The following NDST3 variants were observed in gnomAD, a reference collection of about 807,000 sequenced individuals.
The protein encoded by NDST3 is bifunctional heparan sulfate N-deacetylase/N-sulfotransferase 3.
A neutral mutation model predicts 96.1 loss-of-function variants in NDST3; 58 were observed. That is an observed-to-expected ratio of 0.60 (90% CI 0.49 to 0.75). The LOEUF (loss-of-function observed/expected upper bound fraction) is 0.75, where lower values mean the gene tolerates loss of function less well. Ranked by LOEUF, NDST3 falls within the 30% of genes least tolerant of loss-of-function variation. The probability of loss-of-function intolerance (pLI) is 0.00; values close to 1 mark genes in which losing one functional copy is unlikely to be tolerated. For missense variants in NDST3, 788 were observed against 1,034.2 expected, an observed-to-expected ratio of 0.76 and a Z score of 3.27; for synonymous variants, 333 against 359.7, an observed-to-expected ratio of 0.93 and a Z score of 0.84.
chr4:118,123,304 T>A (rs1176835426), intron 4 of NDST3, among the ~76,000 whole-genome samples: 24 of 152,156 alleles, frequency 1.6e-4, no homozygotes. Context: ...CTATGTAGAC[T>A]TCAAGATTCC....
intron 6 of NDST3, among the ~76,000 whole-genome samples, chr4:118,161,779 C>G (rs1023838777): frequency 3.3e-5 from 5 of 152,144 alleles, no homozygotes; most frequent in Admixed American, 1.3e-4. Context: ...ATCTGTCAAC[C>G]CTTTCTTTGA....
chr4:118,128,416 A>C (rs542263252), intron 4 of NDST3, among the ~76,000 whole-genome samples: 2 of 152,052 alleles, frequency 1.3e-5, no homozygotes, highest in African/African-American at 2.4e-5. Context: ...ATTTTATCAA[A>C]TGCTTTTTCA....
chr4:118,136,273 C>T (rs890573248), intron 4 of NDST3, among the ~76,000 whole-genome samples: 3 of 152,132 alleles, frequency 2.0e-5, no homozygotes, highest in Non-Finnish European at 2.9e-5. Context: ...TAAAAGAATA[C>T]TATTTAACAA....
intron 6 of NDST3, among the ~76,000 whole-genome samples, chr4:118,213,251 C>G (rs1377287430): frequency 6.6e-6 from 1 of 152,176 alleles, no homozygotes; most frequent in East Asian, 1.9e-4. Flanking sequence ...GACTGCTCTT[C>G]CTTTATGATT....
At chr4:118,133,997 G>A (rs1312123381) in intron 4 of NDST3, among the ~76,000 whole-genome samples, 1 of 152,146 alleles carries the variant, frequency 6.6e-6, no homozygotes. Context: ...TACAAACTGT[G>A]CTGTGTACTA....
At chr4:118,104,878 T>A (rs12508017) in intron 2 of NDST3, 140 bp from the exon 3 acceptor site, 486,761 of 590,132 alleles carry the variant, frequency 0.82, 205,389 homozygotes, top group South Asian at 0.92. Context: ...TTTAAAGTGA[T>A]AAAGAAACTA....
At chr4:118,186,992 C>G (rs1212583472) in intron 6 of NDST3, among the ~76,000 whole-genome samples, 1 of 152,092 alleles carries the variant, frequency 6.6e-6, no homozygotes, top group Non-Finnish European at 1.5e-5. Flanking sequence ...CTATTATGAC[C>G]ATGAGGAGGA....
chr4:118,157,744 G>A (rs1178861019), intron 6 of NDST3, among the ~76,000 whole-genome samples: 1 of 152,024 alleles, frequency 6.6e-6, no homozygotes, highest in Non-Finnish European at 1.5e-5. Context: ...TTTGAACCAT[G>A]AAATGTTTTA....
In NDST3 at chr4:118,170,930, G is replaced by A. The variant is rs535269551; in HGVS notation, c.1539+27246G>A. Among the ~76,000 whole-genome samples, 7 of 152,098 alleles carry A rather than the reference G, an allele frequency of 4.6e-5. No homozygotes were observed. The East Asian group carries it at 9.6e-4, about 21-fold the overall frequency. The stretch of plus-strand genomic sequence containing the variant: ...CACAACCCTCCAATCTTCTCTCTTC[G>A]GAGTAGAAGGCAGGCTGCTTACCAA... On this transcript the variant is annotated intron_variant, in intron 6 of 13. Coordinates refer to ENST00000296499, the MANE Select transcript of NDST3 (RefSeq NM_004784.3).
At chr4:118,202,072 C>T (rs1738124253) in intron 6 of NDST3, among the ~76,000 whole-genome samples, 1 of 152,052 alleles carries the variant, frequency 6.6e-6, no homozygotes, top group African/African-American at 2.4e-5. Flanking sequence ...TTTTTCTCAG[C>T]CTTGTTGAAG....
intron 2 of NDST3, among the ~76,000 whole-genome samples, chr4:118,058,570 T>A (rs1171328772): frequency 6.6e-6 from 1 of 151,428 alleles, no homozygotes; most frequent in African/African-American, 2.4e-5. Context: ...CAGGACAAAT[T>A]TCAGTGAAAT....
chr4:118,156,575 ATTTGG>A (rs1734725992), intron 6 of NDST3, among the ~76,000 whole-genome samples: 1 of 152,208 alleles, frequency 6.6e-6, no homozygotes, highest in Non-Finnish European at 1.5e-5. Context: ...TTTGAAAGAA[ATTTGG>A]TTGCCTTGGA....
chr4:118,164,700 G>T (rs1735427571), intron 6 of NDST3, among the ~76,000 whole-genome samples: 1 of 152,026 alleles, frequency 6.6e-6, no homozygotes, highest in East Asian at 1.9e-4. Context: ...ATATTTTAGT[G>T]GCTGTGTATA....
At chr4:118,038,674 G>A (rs1159437410) in intron 1 of NDST3, among the ~76,000 whole-genome samples, 1 of 151,956 alleles carries the variant, frequency 6.6e-6, no homozygotes, top group Non-Finnish European at 1.5e-5. Flanking sequence ...ACATATTTGA[G>A]GCCTCCCACT....
chr4:118,253,355 A>G (rs1467687505), intron 12 of NDST3, 144 bp from the exon 13 acceptor site: 1 of 527,110 alleles, frequency 1.9e-6, no homozygotes, highest in African/African-American at 1.9e-5. Context: ...GTAAAAAAGA[A>G]TTCAGTTTCT....
chr4:118,192,303 G>A (rs1459941207), intron 6 of NDST3, among the ~76,000 whole-genome samples: 1 of 152,022 alleles, frequency 6.6e-6, no homozygotes, highest in African/African-American at 2.4e-5. Context: ...GATCCCATTT[G>A]TCTATTTTTG....
chr4:118,101,798 A>G (rs1247583855), intron 2 of NDST3, among the ~76,000 whole-genome samples: 1 of 152,156 alleles, frequency 6.6e-6, no homozygotes, highest in Admixed American at 6.6e-5. Flanking sequence ...TGATACACAG[A>G]GCAGTATTTA....
intron 8 of NDST3, among the ~76,000 whole-genome samples, chr4:118,230,865 T>C (rs1452723169): frequency 6.6e-6 from 1 of 152,172 alleles, no homozygotes; most frequent in Non-Finnish European, 1.5e-5. Context: ...TAAGACAATA[T>C]TGCTGTTGAC....
chr4:118,119,328 G>C (rs1036402977), intron 4 of NDST3, among the ~76,000 whole-genome samples: 1 of 152,164 alleles, frequency 6.6e-6, no homozygotes. Flanking sequence ...GCTGGCTTAA[G>C]GAATATATGA....
Sources: gnomAD v4.1 joint callset for allele counts (sites outside exome capture counted in the v4.1 genomes callset) on GRCh38, gnomAD v4.1.1 for gene constraint, MANE v1.5 for transcripts, NCBI Gene and HGNC (gene_info 2026-07-23, HGNC 2026-07-21) for gene names.